The following RAB11FIP5 variants were observed in gnomAD, a reference collection of about 807,000 sequenced individuals.
The protein encoded by RAB11FIP5 is RAB11 family interacting protein 5, also known as rab11 family-interacting protein 5.
RAB11FIP5 carries 48 observed loss-of-function variants against 85.1 expected under a neutral mutation model. The ratio of observed to expected loss-of-function variants is 0.56; its 90% CI spans 0.45 to 0.72. The LOEUF is 0.72. Among genes scored for constraint, RAB11FIP5 ranks in the 30% least tolerant of loss-of-function variants. The pLI is 0.00. For synonymous variants in RAB11FIP5, 729 were observed against 727.3 expected, an observed-to-expected ratio of 1.00 and a Z score of -0.04; for missense variants, 1,491 against 1,687.0, an observed-to-expected ratio of 0.88 and a Z score of 2.04.
rs1240037769 is a variant in RAB11FIP5, at chr2:73,080,593, G to C, written c.2639C>G (p.Pro880Arg). The C allele has an allele frequency of 7.3e-6, 9 of 1,232,322 alleles. No individual in the cohort carries two copies. Among genetic ancestry groups the C allele is most frequent in the Non-Finnish European group, 9.1e-6 (9 of 988,100 alleles). 76.3% of individuals were successfully genotyped at this position (1,232,322 alleles called of 1,614,324 possible). A position where few individuals can be genotyped will look rare whatever the true frequency, so the allele number is the denominator to read the frequency against. Reference protein sequence around the residue: ...VSPKGSEGLPPPEPEPKPEWV... With the variant: ...VSPKGSEGLPRPEPEPKPEWV... ...CTCGGGTTTAGGCTCGGGCTCCGGT[G>C]GGGGAAGCCCCTCGCTCCCCTTGGG... Residue 880 changes from proline (P) to arginine (R), a missense_variant, in exon 4 of 6, where the codon CCA (proline) becomes CGA (arginine). Pro to Arg is a moderately radical substitution (Grantham distance 103). Transcript: ENST00000486777.
chr2:73,104,393 C>T (rs1202267180), intron 1 of RAB11FIP5, among the ~76,000 whole-genome samples: 1 of 152,068 alleles, frequency 6.6e-6, no homozygotes, highest in Non-Finnish European at 1.5e-5. Flanking sequence ...GCCTGGCCAA[C>T]ATGGTCTCTA....
intron 1 of RAB11FIP5, 85 bp downstream of exon 1, chr2:73,112,261 CG>C (rs1245852306): frequency 7.4e-7 from 1 of 1,353,820 alleles, no homozygotes; most frequent in East Asian, 3.0e-5. Context: ...CTCACTGGCC[CG>C]GCTGAAGTTC....
intron 1 of RAB11FIP5, among the ~76,000 whole-genome samples, chr2:73,102,560 G>A (rs780819128): frequency 2.6e-5 from 4 of 152,186 alleles, no homozygotes; most frequent in Non-Finnish European, 5.9e-5. Flanking sequence ...GGGGGCCCCT[G>A]GGAGCACCCC....
Position 73,080,580 on chromosome 2 carries a change from C to T in RAB11FIP5, c.2652G>A (p.Glu884=). Residue 884 remains glutamate (E), a synonymous_variant, in exon 4 of 6, where the codon GAG becomes GAA. Transcript: ENST00000486777. Reference sequence around the variant, plus strand: ...TGTCAGACACCCACTCGGGTTTAGGCTCGGGCTCCGGTGGGGGAAGCCCCT... The same window carrying T: ...TGTCAGACACCCACTCGGGTTTAGGTTCGGGCTCCGGTGGGGGAAGCCCCT... The part of the protein sequence containing the change: ...GSEGLPPPEP[E]PKPEWVSDKG... The T allele has an allele frequency of 4.1e-6, 5 of 1,232,420 alleles. No homozygotes were observed. The highest frequency in any genetic ancestry group is 5.1e-6 in the Non-Finnish European group (5 of 988,078). 76.3% of individuals were successfully genotyped at this position (1,232,420 alleles called of 1,614,324 possible).
Position 73,075,801 on chromosome 2 carries a change from C to T in RAB11FIP5, c.3772-77G>A. 6.6e-7 allele frequency: 1 copy of T among 1,504,118 alleles called. No individual in the cohort carries two copies. Among genetic ancestry groups the T allele is most frequent in the Non-Finnish European group, 9.0e-7 (1 of 1,109,544 alleles). 93.2% of individuals were successfully genotyped at this position (1,504,118 alleles called of 1,614,324 possible). A position where few individuals can be genotyped will look rare whatever the true frequency, so the allele number is the denominator to read the frequency against. On this transcript the variant is annotated intron_variant, in intron 5 of 5. Coordinates refer to ENST00000486777, the MANE Select transcript of RAB11FIP5 (RefSeq NM_001371272.1). This position sits in a 1 kb window ranked among gnomAD's most constrained non-coding sequence, Gnocchi z 4.6. The stretch of plus-strand genomic sequence containing the variant: ...GCCTGCCCGCTTGCCCGCCCGCCCG[C>T]CTGCCCACCAACACCTAAGTTTCAC...
chr2:73,080,127 G>C lies in RAB11FIP5; in HGVS notation c.3105C>G (p.Gly1035=). The change falls in exon 4 of 6, where the codon GGC becomes GGG. Residue 1035 remains glycine, a synonymous_variant. Transcript: ENST00000486777. ...GEGPEAPEAQ[G]QDPVGEGLGS... is the part of the protein sequence containing the mutation. ...CAAGCCCCTCTCCTACTGGATCCTG[G>C]CCCTGGGCCTCAGGAGCCTCAGGGC... The C allele has an allele frequency of 1.6e-6, 2 of 1,232,210 alleles. No homozygotes were observed. Among genetic ancestry groups the C allele is most frequent in the Non-Finnish European group, 2.0e-6 (2 of 988,036 alleles). 76.3% of individuals were successfully genotyped at this position (1,232,210 alleles called of 1,614,324 possible).
chr2:73,088,491 G>A lies in RAB11FIP5; in HGVS notation c.1127C>T (p.Ser376Phe), dbSNP rs764749815. 5.0e-6 allele frequency: 8 copies of A among 1,614,036 alleles called. No individual in the cohort carries two copies. Among genetic ancestry groups the A allele is most frequent in the Middle Eastern group, 1.6e-4 (1 of 6,062 alleles). The change falls in exon 3 of 6, where the codon TCC becomes TTC. Residue 376 changes from serine (S) to phenylalanine (F), a missense_variant. By Grantham distance (155) the Ser-to-Phe change is radical. Around this residue, in one of 3 missense-constraint regions of RAB11FIP5, gnomAD observed 1,211 missense variants for 1,338.0 expected, o/e 0.91. Coordinates refer to ENST00000486777, the MANE Select transcript of RAB11FIP5 (RefSeq NM_001371272.1). ...ATCTGTGGAACGAGGCCCCTCCTCG[G>A]AGAACCGGGAAGAGACAGCTTGCAA... ...GSLQAVSSRF[S>F]EEGPRSTDDT...
intron 1 of RAB11FIP5, among the ~76,000 whole-genome samples, chr2:73,102,425 T>G (rs1248822000): frequency 1.3e-5 from 2 of 152,140 alleles, no homozygotes; most frequent in Admixed American, 6.5e-5. Context: ...CATTAATTAA[T>G]AAACTGGCAC....
At position 73,081,119 on chromosome 2, in the gene RAB11FIP5, CT is replaced by C; in HGVS notation, c.2112del (p.Gly705GlufsTer42). 3.2e-6 allele frequency: 4 copies of C among 1,234,394 alleles called. No individual in the cohort carries two copies. The highest frequency in any genetic ancestry group is 4.0e-6 in the Non-Finnish European group (4 of 989,678). 76.5% of individuals were successfully genotyped at this position (1,234,394 alleles called of 1,614,324 possible). A position where few individuals can be genotyped will look rare whatever the true frequency, so the allele number is the denominator to read the frequency against. ...CTTCCTCCTCCTCCTCCTCCTCCTC[CT>C]CCTCCTCCCCCAGGCTCTCCCTGGG... ...AEPQGEPGGG[G>X]GGGGGGGGRG... On this transcript the variant is annotated frameshift_variant, in exon 4 of 6. Transcript: ENST00000486777. LOFTEE classifies it high-confidence loss of function. This position sits in a 1 kb window ranked among gnomAD's most constrained non-coding sequence, Gnocchi z 4.2.
Position 73,079,879 on chromosome 2 carries a change from C to T in RAB11FIP5, c.3353G>A (p.Arg1118His), listed in dbSNP as rs915958750. Residue 1118 changes from arginine to histidine, a missense_variant, in exon 4 of 6, where the codon CGT becomes CAT. Around this residue, in one of 3 missense-constraint regions of RAB11FIP5, gnomAD observed 48 missense variants for 89.9 expected, o/e 0.53. Coordinates refer to ENST00000486777, the MANE Select transcript of RAB11FIP5 (RefSeq NM_001371272.1). Reference protein sequence around the residue: ...PPLPPWASHHRGGPSPPCSPL... With the variant: ...PPLPPWASHHHGGPSPPCSPL... ...AGAGCATGGAGGGCTGGGCCCCCCACGGTGGTGGCTGGCCCAAGGCGGGAG... is the reference window on the plus strand; with the variant it reads ...AGAGCATGGAGGGCTGGGCCCCCCATGGTGGTGGCTGGCCCAAGGCGGGAG... 5.7e-6 allele frequency: 7 copies of T among 1,232,428 alleles called. No individual in the cohort carries two copies. Among genetic ancestry groups the T allele is most frequent in the East Asian group, 3.2e-5 (1 of 31,706 alleles). 76.3% of individuals were successfully genotyped at this position (1,232,428 alleles called of 1,614,324 possible).
intron 1 of RAB11FIP5, among the ~76,000 whole-genome samples, chr2:73,108,441 C>G (rs1439304551): frequency 1.3e-5 from 2 of 152,196 alleles, no homozygotes; most frequent in Non-Finnish European, 2.9e-5. Context: ...CTCTCTCCTC[C>G]TCTCCTAAAA....
chr2:73,099,507 G>C (rs1427127166), intron 1 of RAB11FIP5, among the ~76,000 whole-genome samples: 1 of 152,182 alleles, frequency 6.6e-6, no homozygotes, highest in Non-Finnish European at 1.5e-5. Context: ...CAGGCTGAGA[G>C]CTCCAAGCAG....
intron 3 of RAB11FIP5, 119 bp downstream of exon 3, chr2:73,087,931 A>C: frequency 9.9e-7 from 1 of 1,014,406 alleles, no homozygotes; most frequent in Non-Finnish European, 1.5e-6. Flanking sequence ...ATGCAAAGCC[A>C]GAGCCCCAGC....
chr2:73,088,606 C>T lies in RAB11FIP5; in HGVS notation c.1012G>A (p.Val338Ile). 3.7e-6 allele frequency: 6 copies of T among 1,613,578 alleles called. No homozygotes were observed. The highest frequency in any genetic ancestry group is 4.2e-6 in the Non-Finnish European group (5 of 1,180,046). Residue 338 changes from valine (V) to isoleucine (I), a missense_variant, in exon 3 of 6, where the codon GTC becomes ATC. By Grantham distance (29) the Val-to-Ile change is conservative. Coordinates refer to ENST00000486777, the MANE Select transcript of RAB11FIP5 (RefSeq NM_001371272.1). Reference sequence around the variant, plus strand: ...TCATTGTAAATGTGGCTCCCATTGACACAGAGCGAAGAGCGGGAGGCAGCA... The same window carrying T: ...TCATTGTAAATGTGGCTCCCATTGATACAGAGCGAAGAGCGGGAGGCAGCA... ...LDAASRSSLC[V>I]NGSHIYNEEP...
intron 1 of RAB11FIP5, among the ~76,000 whole-genome samples, chr2:73,102,118 G>T (rs537771274): frequency 1.4e-4 from 21 of 152,238 alleles, no homozygotes; most frequent in Admixed American, 3.3e-4. Flanking sequence ...GGAAAGAGGC[G>T]AGGAGGGGGT....
intron 1 of RAB11FIP5, among the ~76,000 whole-genome samples, chr2:73,096,383 G>A (rs1287616463): frequency 6.6e-6 from 1 of 152,188 alleles, no homozygotes; most frequent in Admixed American, 6.5e-5. Context: ...CCATGCAAGT[G>A]CCAGGGAACT....
At chr2:73,108,761 G>A (rs1684580559) in intron 1 of RAB11FIP5, among the ~76,000 whole-genome samples, 1 of 152,208 alleles carries the variant, frequency 6.6e-6, no homozygotes, top group Non-Finnish European at 1.5e-5. Context: ...GAAGGACGTT[G>A]GGCCAGGCGT....
Position 73,075,969 on chromosome 2 carries a change from C to T in RAB11FIP5, c.3771+24G>A. 3 of 1,598,622 alleles carry T rather than the reference C, an allele frequency of 1.9e-6. No individual in the cohort carries two copies. Among genetic ancestry groups the T allele is most frequent in the Non-Finnish European group, 1.7e-6 (2 of 1,169,840 alleles). ...CTCCACCACACATTCTGTCAGATGG[C>T]CCCCACACCCTGCTGGGCCTTACCT... is the stretch of plus-strand genomic sequence containing the variant. On this transcript the variant is annotated intron_variant, in intron 5 of 5. Transcript: ENST00000486777. The surrounding 1 kb of genome is among the most constrained non-coding windows in gnomAD (Gnocchi z 4.6).
chr2:73,078,895 G>T lies in RAB11FIP5; in HGVS notation c.3581+756C>A, dbSNP rs1196245385. Reference sequence around the variant, plus strand: ...TGACCAGCCACCTGGTGAGGTCACAGCTTCATAATTCTTCCAAACCTCCCA... The same window carrying T: ...TGACCAGCCACCTGGTGAGGTCACATCTTCATAATTCTTCCAAACCTCCCA... On this transcript the variant is annotated intron_variant, in intron 4 of 5. Transcript: ENST00000486777. The surrounding 1 kb of genome is among the most constrained non-coding windows in gnomAD (Gnocchi z 4.4). Among the ~76,000 whole-genome samples the T allele has an allele frequency of 1.3e-5, 2 of 152,160 alleles. No individual in the cohort carries two copies. Among genetic ancestry groups the T allele is most frequent in the Admixed American group, 1.3e-4 (2 of 15,282 alleles).
Sources: gnomAD v4.1 joint callset for allele counts (sites outside exome capture counted in the v4.1 genomes callset) on GRCh38, gnomAD v4.1.1 for gene constraint, gnomAD v4.1.1 regional missense constraint, Gnocchi (gnomAD v3.1) non-coding constraint, MANE v1.5 for transcripts, NCBI Gene and HGNC (gene_info 2026-07-23, HGNC 2026-07-21) for gene names.